NIM1K: variants seen among roughly 807,000 people sequenced by gnomAD.
The protein encoded by NIM1K is serine/threonine-protein kinase NIM1.
A neutral mutation model predicts 37.1 loss-of-function variants in NIM1K; 35 were observed. That is an observed-to-expected ratio of 0.94 (90% CI 0.72 to 1.25). The LOEUF (loss-of-function observed/expected upper bound fraction) is 1.25, where lower values mean the gene tolerates loss of function less well. NIM1K is among the 50% of genes most tolerant of loss of function. NIM1K has a pLI of 0.00. For synonymous variants in NIM1K, 234 were observed against 206.6 expected (o/e 1.13, Z -1.14); for missense variants, 564 against 548.0 (o/e 1.03, Z -0.29).
At chr5:43,257,366 T>C (rs1353100675) in intron 2 of NIM1K, among the ~76,000 whole-genome samples, 6 of 138,344 alleles carry the variant, frequency 4.3e-5, no homozygotes, top group African/African-American at 1.6e-4. Context: ...GTGACTCTTT[T>C]TTTTTTTTTT....
intron 1 of NIM1K, among the ~76,000 whole-genome samples, chr5:43,233,669 G>A (rs1453793036): frequency 1.3e-5 from 2 of 152,226 alleles, no homozygotes; most frequent in African/African-American, 2.4e-5. Flanking sequence ...TTCTTAGTGA[G>A]CACGCTACAT....
intron 1 of NIM1K, among the ~76,000 whole-genome samples, chr5:43,226,824 G>A (rs1337474770): frequency 6.6e-6 from 1 of 152,170 alleles, no homozygotes; most frequent in Non-Finnish European, 1.5e-5. Flanking sequence ...TCAAGGACCA[G>A]ATTATGGGAT....
intron 1 of NIM1K, among the ~76,000 whole-genome samples, chr5:43,227,001 C>A (rs1752466873): frequency 1.3e-5 from 2 of 152,270 alleles, no homozygotes; most frequent in Middle Eastern, 3.4e-3. Flanking sequence ...ATTGTGAGAA[C>A]AAGCAGGTTC....
rs747012000 is a variant in NIM1K, at chr5:43,258,444, CT to C, written c.292+12392del. 6.7e-3 allele frequency among the ~76,000 whole-genome samples: 948 copies of C among 141,508 alleles called. 2 individuals carry two copies. The highest frequency in any genetic ancestry group is 0.011 in the African/African-American group (426 of 38,756). The allele number at this position is 141,508 out of a possible 152,430, so 92.8% of individuals were successfully genotyped here. A position where few individuals can be genotyped will look rare whatever the true frequency, so the allele number is the denominator to read the frequency against. ...TTCTAGTACAAGCGTTTTTGGTAAA[CT>C]TTTTTTTTTTTTTTGAGGCAGGGTT... On this transcript the variant is annotated intron_variant, in intron 2 of 3. Coordinates refer to ENST00000326035, the MANE Select transcript of NIM1K (RefSeq NM_153361.4).
intron 1 of NIM1K, chr5:43,225,710 C>T: frequency 6.4e-6 from 1 of 155,350 alleles, no homozygotes; most frequent in Middle Eastern, 7.3e-4. Flanking sequence ...ATCCACATCC[C>T]AGGATGTGCT....
At chr5:43,228,075 A>G (rs1214936762) in intron 1 of NIM1K, among the ~76,000 whole-genome samples, 5 of 152,130 alleles carry the variant, frequency 3.3e-5, no homozygotes, top group Non-Finnish European at 4.4e-5. Context: ...CTCCCTCAGA[A>G]GCACAGTTTC....
chr5:43,210,560 T>TCCC (rs1752188849), intron 1 of NIM1K, among the ~76,000 whole-genome samples: 3 of 152,066 alleles, frequency 2.0e-5, no homozygotes, highest in Non-Finnish European at 4.4e-5. Context: ...AGTCAGAGAC[T>TCCC]TCACAGAGGG....
rs140166241 is a variant in NIM1K at position 43,280,279 on chromosome 5, A to G, written c.861A>G (p.Thr287=). The change falls in exon 4 of 4, where the codon ACA becomes ACG. Residue 287 remains threonine, a synonymous_variant. Coordinates refer to ENST00000326035, the MANE Select transcript of NIM1K (RefSeq NM_153361.4). ...AKLKKSILEG[T]YSVPPHVSEP... Reference sequence around the variant, plus strand: ...TAAAAAAGAGCATCCTCGAGGGCACATACAGTGTACCGCCGCACGTGTCAG... The same window carrying G: ...TAAAAAAGAGCATCCTCGAGGGCACGTACAGTGTACCGCCGCACGTGTCAG... 5.6e-6 allele frequency: 9 copies of G among 1,614,078 alleles called. No individual in the cohort carries two copies. In the African/African-American group the frequency reaches 9.3e-5, roughly 17 times the overall value.
At chr5:43,218,168 G>A (rs970442813) in intron 1 of NIM1K, among the ~76,000 whole-genome samples, 1 of 151,832 alleles carries the variant, frequency 6.6e-6, no homozygotes, top group South Asian at 2.1e-4. Flanking sequence ...CCACCACCAT[G>A]CCCGGCTAAT....
At chr5:43,276,052 G>C (rs1268522230) in intron 2 of NIM1K, among the ~76,000 whole-genome samples, 1 of 151,784 alleles carries the variant, frequency 6.6e-6, no homozygotes, top group Non-Finnish European at 1.5e-5. Context: ...CTGCCACCGG[G>C]TCCATCTAAT....
intron 2 of NIM1K, among the ~76,000 whole-genome samples, chr5:43,249,057 T>C (rs2112266828): frequency 6.8e-6 from 1 of 146,928 alleles, no homozygotes; most frequent in South Asian, 2.2e-4. Context: ...TATTTATTTA[T>C]TTATTTATTT....
intron 1 of NIM1K, among the ~76,000 whole-genome samples, chr5:43,228,933 C>A: frequency 6.6e-6 from 1 of 152,182 alleles, no homozygotes. Context: ...AACCTTCAAA[C>A]CAATGAAATT....
chr5:43,193,750 G>A (rs1034520268), intron 1 of NIM1K: 3 of 152,108 alleles, frequency 2.0e-5, no homozygotes, highest in Non-Finnish European at 4.4e-5. Flanking sequence ...GTGATTCACA[G>A]AACCGCTTCA....
At chr5:43,246,199 C>A (rs1019034693) in intron 2 of NIM1K, 132 bp downstream of exon 2, 2 of 660,062 alleles carry the variant, frequency 3.0e-6, no homozygotes, top group Non-Finnish European at 5.0e-6. Context: ...ACATCCTGTG[C>A]CAGCCGCCTT....
Position 43,280,686 on chromosome 5 carries a change from A to G in NIM1K, c.1268A>G (p.Tyr423Cys), listed in dbSNP as rs1167448720. The G allele has an allele frequency of 6.2e-7, 1 of 1,611,294 alleles. No individual in the cohort carries two copies. The highest frequency in any genetic ancestry group is 1.7e-5 in the Admixed American group (1 of 59,088). ...ERDLKKGSRV[Y>C]RGIRHTSKFC... ...GACCTCAAAAAAGGGTCCCGTGTCT[A>G]CAGAGGGATAAGACACACATCCAAA... Residue 423 changes from tyrosine (Y) to cysteine (C), a missense_variant, in exon 4 of 4, where the codon TAC becomes TGC. Tyr to Cys is a radical substitution (Grantham distance 194). Transcript: ENST00000326035.
intron 3 of NIM1K, 92 bp from the exon 4 acceptor site, chr5:43,279,888 C>A: frequency 9.8e-7 from 1 of 1,016,522 alleles, no homozygotes; most frequent in Non-Finnish European, 1.5e-6. Context: ...GTTATTCCAC[C>A]ATCATTATCT....
chr5:43,235,203 T>C (rs1752604111), intron 1 of NIM1K, among the ~76,000 whole-genome samples: 1 of 152,208 alleles, frequency 6.6e-6, no homozygotes, highest in Non-Finnish European at 1.5e-5. Context: ...TTTAAAACAA[T>C]AAAAGTTCAA....
chr5:43,250,270 ATGTG>A (rs1169035484), intron 2 of NIM1K, among the ~76,000 whole-genome samples: 10 of 152,152 alleles, frequency 6.6e-5, no homozygotes, highest in Non-Finnish European at 1.3e-4. Flanking sequence ...TTATCTATAT[ATGTG>A]TATTTATTAT....
chr5:43,254,844 C>T lies in NIM1K; in HGVS notation c.292+8777C>T, dbSNP rs544878341. The stretch of plus-strand genomic sequence containing the variant: ...TCAGTTTCCTAAGTAGCATGGGGGA[C>T]AGCTATGCACCACTGCACCTGACTG... On this transcript the variant is annotated intron_variant, in intron 2 of 3. Coordinates refer to ENST00000326035, the MANE Select transcript of NIM1K (RefSeq NM_153361.4). Among the ~76,000 whole-genome samples, 9 of 152,308 alleles carry T rather than the reference C, an allele frequency of 5.9e-5. No homozygotes were observed. The East Asian group carries it at 1.3e-3, about 23-fold the overall frequency.
Sources: gnomAD v4.1 joint callset for allele counts (sites outside exome capture counted in the v4.1 genomes callset) on GRCh38, gnomAD v4.1.1 for gene constraint, MANE v1.5 for transcripts, NCBI Gene and HGNC (gene_info 2026-07-23, HGNC 2026-07-21) for gene names.